The following PCDH15 variants were observed in gnomAD, a reference collection of about 807,000 sequenced individuals.
The protein encoded by PCDH15 is protocadherin related 15.
A neutral mutation model predicts 178.5 loss-of-function variants in PCDH15; 129 were observed. That is an observed-to-expected ratio of 0.72 (90% CI 0.63 to 0.84). The LOEUF is 0.84. Ranked by LOEUF, PCDH15 falls within the 40% of genes least tolerant of loss-of-function variation. The pLI, the probability that PCDH15 is intolerant of heterozygous loss-of-function variation, is 0.00. For missense variants in PCDH15, 2,230 were observed against 2,099.9 expected, an observed-to-expected ratio of 1.06 and a Z score of -1.21; for synonymous variants, 800 against 732.0, an observed-to-expected ratio of 1.09 and a Z score of -1.50.
chr10:55,017,252 A>G (rs1454244052), intron 2 of PCDH15, among the ~76,000 whole-genome samples: 1 of 152,138 alleles, frequency 6.6e-6, no homozygotes, highest in Non-Finnish European at 1.5e-5. Context: ...GCAGAAATCT[A>G]CATTCCAAAC....
intron 15 of PCDH15, among the ~76,000 whole-genome samples, chr10:54,131,043 G>C (rs752193890): frequency 1.3e-5 from 2 of 152,044 alleles, no homozygotes; most frequent in Non-Finnish European, 1.5e-5. Context: ...AAGCACAAAG[G>C]GTGAATAGAA....
intron 3 of PCDH15, among the ~76,000 whole-genome samples, chr10:54,835,918 A>G (rs750635012): frequency 5.3e-5 from 8 of 152,306 alleles, no homozygotes; most frequent in Non-Finnish European, 1.0e-4. Flanking sequence ...ACAAACAGAC[A>G]TCACAAAATT....
At chr10:54,514,270 T>G (rs2081989720) in intron 3 of PCDH15, among the ~76,000 whole-genome samples, 1 of 152,148 alleles carries the variant, frequency 6.6e-6, no homozygotes. Flanking sequence ...CTCTGATTCC[T>G]TCTAAAGAAA....
At chr10:54,043,073 G>A (rs961323549) in intron 18 of PCDH15, among the ~76,000 whole-genome samples, 2 of 152,098 alleles carry the variant, frequency 1.3e-5, no homozygotes, top group African/African-American at 4.8e-5. Context: ...TTCATTTGAA[G>A]CCTTCACCTG....
At chr10:54,734,041 GA>G (rs1172691042) in intron 1 of PCDH15, among the ~76,000 whole-genome samples, 3 of 150,556 alleles carry the variant, frequency 2.0e-5, no homozygotes, top group African/African-American at 4.9e-5. Context: ...CCATTTTATA[GA>G]AAGAATATCA....
intron 1 of PCDH15, among the ~76,000 whole-genome samples, chr10:55,214,874 G>C (rs2132175255): frequency 6.6e-6 from 1 of 152,084 alleles, no homozygotes; most frequent in Non-Finnish European, 1.5e-5. Flanking sequence ...AAGACTCTCT[G>C]GCCTTCTCAC....
chr10:55,138,827 T>C (rs962496248), intron 2 of PCDH15, among the ~76,000 whole-genome samples: 1 of 152,160 alleles, frequency 6.6e-6, no homozygotes, highest in Non-Finnish European at 1.5e-5. Context: ...TCTGTTATTA[T>C]AGTTTTCATT....
chr10:54,963,188 A>G (rs1022318394), intron 2 of PCDH15, among the ~76,000 whole-genome samples: 6 of 152,176 alleles, frequency 3.9e-5, no homozygotes, highest in African/African-American at 1.4e-4. Flanking sequence ...AGTAAATCAA[A>G]CTAGTATTTC....
At chr10:54,854,784 C>T (rs1449592479) in intron 3 of PCDH15, among the ~76,000 whole-genome samples, 1 of 152,104 alleles carries the variant, frequency 6.6e-6, no homozygotes, top group Admixed American at 6.5e-5. Flanking sequence ...ACGGGCAGGC[C>T]AGAGAAGGCA....
At chr10:54,439,042 G>A (rs11599664) in intron 3 of PCDH15, among the ~76,000 whole-genome samples, 1 of 151,560 alleles carries the variant, frequency 6.6e-6, no homozygotes, top group East Asian at 1.9e-4. Context: ...TAGGGATACC[G>A]GTCATTTAAT....
chr10:54,497,007 G>C (rs1488882267), intron 3 of PCDH15, among the ~76,000 whole-genome samples: 1 of 151,990 alleles, frequency 6.6e-6, no homozygotes, highest in Non-Finnish European at 1.5e-5. Flanking sequence ...CCTGGCACTG[G>C]ACCATAGTGC....
chr10:54,940,610 A>T (rs1043732044), intron 2 of PCDH15, among the ~76,000 whole-genome samples: 8 of 151,996 alleles, frequency 5.3e-5, no homozygotes, highest in Non-Finnish European at 1.5e-5. Context: ...TACTTGTTCC[A>T]TCTACTGTTG....
At chr10:53,872,344 T>G (rs2079929823) in intron 26 of PCDH15, among the ~76,000 whole-genome samples, 1 of 152,216 alleles carries the variant, frequency 6.6e-6, no homozygotes, top group Non-Finnish European at 1.5e-5. Flanking sequence ...CACTCCATAT[T>G]TAATTTATAT....
At chr10:55,028,106 T>C (rs1840521377) in intron 2 of PCDH15, among the ~76,000 whole-genome samples, 1 of 151,920 alleles carries the variant, frequency 6.6e-6, no homozygotes, top group South Asian at 2.1e-4. Flanking sequence ...CATTTTCTGC[T>C]AAATATTTCC....
At chr10:54,543,966 C>A (rs11004370) in intron 2 of PCDH15, among the ~76,000 whole-genome samples, 9 of 151,724 alleles carry the variant, frequency 5.9e-5, no homozygotes, top group Non-Finnish European at 1.2e-4. Flanking sequence ...TCAGACATAC[C>A]GAAGAACACC....
At chr10:54,760,330 G>C (rs1947707126) in intron 1 of PCDH15, among the ~76,000 whole-genome samples, 2 of 151,988 alleles carry the variant, frequency 1.3e-5, no homozygotes, top group Admixed American at 1.3e-4. Context: ...TTGAATAACT[G>C]TTTTAAAACA....
At chr10:54,402,910 G>T (rs1193582301) in intron 3 of PCDH15, among the ~76,000 whole-genome samples, 1 of 151,918 alleles carries the variant, frequency 6.6e-6, no homozygotes, top group Non-Finnish European at 1.5e-5. Flanking sequence ...TGAAAGAGTT[G>T]CACATCTCTC....
intron 2 of PCDH15, among the ~76,000 whole-genome samples, chr10:55,435,800 A>G (rs1365439871): frequency 1.3e-5 from 2 of 152,184 alleles, no homozygotes; most frequent in Admixed American, 1.3e-4. Flanking sequence ...GAGAAGTTAC[A>G]TATATTTACA....
At chr10:55,538,664 CACATT>C (rs1564442285) in intron 2 of PCDH15, among the ~76,000 whole-genome samples, 509 of 4,072 alleles carry the variant, frequency 0.12, 178 homozygotes, top group East Asian at 0.37. Context: ...TCCTTCCTTC[CACATT>C]TCCTTGCTTC....
Sources: allele counts gnomAD v4.1 joint callset (sites outside exome capture counted in the v4.1 genomes callset), GRCh38; gene constraint gnomAD v4.1.1; transcripts MANE v1.5; gene names NCBI Gene and HGNC (gene_info 2026-07-23, HGNC 2026-07-21).